ZSWIM6: variants seen among roughly 807,000 people sequenced by gnomAD.
ZSWIM6 encodes zinc finger SWIM domain-containing protein 6.
ZSWIM6 carries 9 observed loss-of-function variants against 113.2 expected under a neutral mutation model. The ratio of observed to expected loss-of-function variants is 0.08; its 90% CI spans 0.05 to 0.14. The LOEUF is 0.14. ZSWIM6 is among the 10% of genes least tolerant of loss of function. The pLI is 1.00. For synonymous variants in ZSWIM6, 611 were observed against 606.5 expected (o/e 1.01, Z -0.11); for missense variants, 1,162 against 1,552.2 (o/e 0.75, Z 4.22).
chr5:61,459,826 C>A (rs1747286202), intron 1 of ZSWIM6, among the ~76,000 whole-genome samples: 1 of 152,168 alleles, frequency 6.6e-6, no homozygotes, highest in Non-Finnish European at 1.5e-5. Context: ...GCAGTATTTT[C>A]ATGTTAGACT....
chr5:61,526,179 T>C (rs764549854), intron 6 of ZSWIM6, 71 bp from the exon 7 acceptor site: 197 of 1,479,358 alleles, frequency 1.3e-4, no homozygotes, highest in Non-Finnish European at 1.7e-4. Context: ...GAGAAACATC[T>C]TACTATTAAA....
chr5:61,390,728 C>T, intron 1 of ZSWIM6: 2 of 795,004 alleles, frequency 2.5e-6, no homozygotes, highest in Non-Finnish European at 4.5e-6. Flanking sequence ...ATGCTGTCTT[C>T]TCCTCCATGG....
chr5:61,456,995 G>A (rs957080714), intron 1 of ZSWIM6, among the ~76,000 whole-genome samples: 2 of 150,806 alleles, frequency 1.3e-5, no homozygotes, highest in South Asian at 2.1e-4. Context: ...ATGCTGGTGC[G>A]CTGCACCCAC....
intron 1 of ZSWIM6, among the ~76,000 whole-genome samples, chr5:61,462,061 C>G (rs780764540): frequency 6.6e-6 from 1 of 152,214 alleles, no homozygotes; most frequent in Non-Finnish European, 1.5e-5. Flanking sequence ...CAGTAACTTA[C>G]AGTCCTTGCA....
At chr5:61,501,396 G>C (rs997100446) in intron 4 of ZSWIM6, among the ~76,000 whole-genome samples, 3 of 152,092 alleles carry the variant, frequency 2.0e-5, no homozygotes, top group African/African-American at 7.2e-5. Flanking sequence ...GTGGCTGCTA[G>C]GGTTTAATTA....
chr5:61,347,433 G>T, intron 1 of ZSWIM6: 1 of 160,298 alleles, frequency 6.2e-6, no homozygotes, highest in South Asian at 1.7e-4. Context: ...GTTTCAGGAT[G>T]AGAAGTTTCT....
chr5:61,413,722 G>A (rs957149933), intron 1 of ZSWIM6, among the ~76,000 whole-genome samples: 5 of 152,234 alleles, frequency 3.3e-5, no homozygotes, highest in Non-Finnish European at 5.9e-5. Flanking sequence ...ATTCTAATTG[G>A]TGTGAGATGG....
At chr5:61,530,426 A>C (rs1749398851) in intron 8 of ZSWIM6, among the ~76,000 whole-genome samples, 1 of 152,212 alleles carries the variant, frequency 6.6e-6, no homozygotes, top group Admixed American at 6.5e-5. Context: ...AATCTTAAAA[A>C]TATTTATTCT....
rs1749826233 is a variant in ZSWIM6, at chr5:61,544,330, G to T, written c.*13G>T. The T allele has an allele frequency of 1.3e-5, 3 of 235,814 alleles. No individual in the cohort carries two copies. Among genetic ancestry groups the T allele is most frequent in the East Asian group, 3.6e-4 (2 of 5,556 alleles). The allele number at this position is 235,814 out of a possible 1,614,324, so 14.6% of individuals were successfully genotyped here. A position where few individuals can be genotyped will look rare whatever the true frequency, so the allele number is the denominator to read the frequency against. On this transcript the variant is annotated 3_prime_UTR_variant, in exon 14 of 14. Transcript: ENST00000252744. ...GAGGTTTGGTTGATAGATCTTGTAT[G>T]AATGGGGTGGGGGGTGGGGATGGGA...
At position 61,332,772 on chromosome 5, in the gene ZSWIM6, C is replaced by CGCCG. The variant is rs1561194256; in HGVS notation, c.500_501insGCCG (p.Ser168ProfsTer87). On this transcript the variant is annotated frameshift_variant, in exon 1 of 14. Transcript: ENST00000252744. LOFTEE classifies it high-confidence loss of function. ...CCGGCCGCAACCTCGGCGGCCGCAACCTCGGCCGCCGCCGCCGCTGCCGCC... is the reference window on the plus strand; with the variant it reads ...CCGGCCGCAACCTCGGCGGCCGCAACGCCGCTCGGCCGCCGCCGCCGCTGCCGCC... 16 of 774,360 alleles carry CGCCG rather than the reference C, an allele frequency of 2.1e-5. No homozygotes were observed. The highest frequency in any genetic ancestry group is 1.8e-4 in the East Asian group (1 of 5,658). 48.0% of individuals were successfully genotyped at this position (774,360 alleles called of 1,614,324 possible).
At chr5:61,424,031 A>G (rs573130461) in intron 1 of ZSWIM6, among the ~76,000 whole-genome samples, 11 of 152,280 alleles carry the variant, frequency 7.2e-5, no homozygotes, top group Non-Finnish European at 1.5e-4. Flanking sequence ...GCTGATGGCC[A>G]GTTTTTGAAG....
intron 5 of ZSWIM6, among the ~76,000 whole-genome samples, chr5:61,522,080 G>GTTTTTTTTTTTTT: frequency 7.1e-6 from 1 of 141,610 alleles, no homozygotes; most frequent in South Asian, 2.3e-4. Flanking sequence ...TTTCTGTCCT[G>GTTTTTTTTTTTTT]TTTTTTTTGT....
intron 1 of ZSWIM6, among the ~76,000 whole-genome samples, chr5:61,349,541 T>C (rs893284958): frequency 2.0e-5 from 3 of 152,184 alleles, no homozygotes; most frequent in Admixed American, 2.0e-4. Context: ...AGTAGGCTGG[T>C]TTTCAGTACT....
chr5:61,476,513 C>T (rs1396651500), intron 2 of ZSWIM6, among the ~76,000 whole-genome samples: 1 of 152,098 alleles, frequency 6.6e-6, no homozygotes, highest in Non-Finnish European at 1.5e-5. Context: ...ATAAAATTAA[C>T]CACTACATGC....
intron 1 of ZSWIM6, among the ~76,000 whole-genome samples, chr5:61,433,363 A>ATG (rs1036422665): frequency 4.0e-5 from 6 of 151,590 alleles, no homozygotes; most frequent in Admixed American, 3.3e-4. Flanking sequence ...TTGTGTGTGC[A>ATG]TGTGTGTGTG....
At chr5:61,540,916 G>GTT (rs34749703) in intron 12 of ZSWIM6, among the ~76,000 whole-genome samples, 1,672 of 94,484 alleles carry the variant, frequency 0.018, 63 homozygotes, top group South Asian at 0.12. Context: ...TATTTTGTGG[G>GTT]TTTTTTTTTT....
intron 5 of ZSWIM6, among the ~76,000 whole-genome samples, chr5:61,522,096 T>TTTTTTTG (rs1561276890): frequency 1.3e-5 from 2 of 151,370 alleles, no homozygotes; most frequent in Non-Finnish European, 2.9e-5. Context: ...TTTGTTTGTT[T>TTTTTTTG]TTTTTTGTTT....
At chr5:61,389,432 G>C in intron 1 of ZSWIM6, among the ~76,000 whole-genome samples, 1 of 151,470 alleles carries the variant, frequency 6.6e-6, no homozygotes, top group Non-Finnish European at 1.5e-5. Flanking sequence ...GTGGGTGCCT[G>C]TAATCCTGGC....
intron 1 of ZSWIM6, among the ~76,000 whole-genome samples, chr5:61,449,992 T>G (rs1253865334): frequency 6.6e-6 from 1 of 152,240 alleles, no homozygotes; most frequent in Non-Finnish European, 1.5e-5. Flanking sequence ...AGTTTTGGAC[T>G]GACCCTGCTG....
Sources: gnomAD v4.1 joint callset for allele counts (sites outside exome capture counted in the v4.1 genomes callset) on GRCh38, gnomAD v4.1.1 for gene constraint, MANE v1.5 for transcripts, NCBI Gene and HGNC (gene_info 2026-07-23, HGNC 2026-07-21) for gene names.